ATF7IP2: variants seen among roughly 807,000 people sequenced by gnomAD.
ATF7IP2 encodes the protein activating transcription factor 7-interacting protein 2.
In ATF7IP2, 42 loss-of-function variants were observed where a neutral mutation model predicts 64.2. The observed-to-expected ratio is 0.65, with a 90% CI of 0.51 to 0.85. The LOEUF (loss-of-function observed/expected upper bound fraction) is 0.85, where lower values mean the gene tolerates loss of function less well. Among genes scored for constraint, ATF7IP2 ranks in the 40% least tolerant of loss-of-function variants. ATF7IP2 has a pLI of 0.00. For missense variants in ATF7IP2, 933 were observed against 784.2 expected (o/e 1.19, Z -2.27); for synonymous variants, 308 against 272.8 (o/e 1.13, Z -1.27).
At chr16:10,471,337 G>A (rs1220796004) in intron 9 of ATF7IP2, among the ~76,000 whole-genome samples, 1 of 152,178 alleles carries the variant, frequency 6.6e-6, no homozygotes, top group Non-Finnish European at 1.5e-5. Flanking sequence ...AGACCAGCCT[G>A]ACCAACATGG....
intron 1 of ATF7IP2, among the ~76,000 whole-genome samples, chr16:10,401,148 T>G (rs2047525475): frequency 6.6e-6 from 1 of 152,130 alleles, no homozygotes; most frequent in Admixed American, 6.6e-5. Flanking sequence ...TAAAACCCGC[T>G]TGATTATGGT....
At chr16:10,444,456 A>T (rs2141950819) in intron 8 of ATF7IP2, among the ~76,000 whole-genome samples, 1 of 152,256 alleles carries the variant, frequency 6.6e-6, no homozygotes, top group South Asian at 2.1e-4. Context: ...CCAGATTGAT[A>T]CAGATGCACT....
chr16:10,415,789 G>T (rs375610319), intron 2 of ATF7IP2, among the ~76,000 whole-genome samples: 37 of 152,192 alleles, frequency 2.4e-4, no homozygotes, highest in African/African-American at 8.7e-4. Context: ...TTATACAATG[G>T]TAATACCTGA....
At chr16:10,459,027 A>AAAT (rs35159382) in intron 9 of ATF7IP2, among the ~76,000 whole-genome samples, 80,256 of 150,048 alleles carry the variant, frequency 0.53, 21,467 homozygotes, top group East Asian at 0.69. Flanking sequence ...CTCTACTAAA[A>AAAT]AATAATAATA....
intron 5 of ATF7IP2, among the ~76,000 whole-genome samples, chr16:10,431,753 GT>G (rs1377120437): frequency 1.4e-5 from 2 of 147,856 alleles, no homozygotes; most frequent in Non-Finnish European, 3.0e-5. Flanking sequence ...TTATTTTGAA[GT>G]TTTATTAGAT....
chr16:10,452,858 C>G (rs7196305), intron 8 of ATF7IP2, among the ~76,000 whole-genome samples: 87,856 of 151,986 alleles, frequency 0.58, 25,427 homozygotes, highest in East Asian at 0.69. Flanking sequence ...CCAGTTCAAA[C>G]TTCCCAGTGG....
rs558578447 is a variant in ATF7IP2 at position 10,482,096 on chromosome 16, T to A, written c.1896T>A (p.Ile632=). The A allele has an allele frequency of 1.2e-6, 2 of 1,614,128 alleles. No individual in the cohort carries two copies. The highest frequency in any genetic ancestry group is 1.7e-6 in the Non-Finnish European group (2 of 1,180,002). The change falls in exon 14 of 14, where the codon ATT becomes ATA. Residue 632 remains isoleucine (I), a synonymous_variant. Transcript: ENST00000562102. ...TGATTTGGAAGAAGATTGGAGAAAT[T>A]AAAGCTTTACCACTCCCCATGGCCT... ...NKLIWKKIGE[I]KALPLPMACT...
chr16:10,480,343 T>C (rs1241701338), intron 12 of ATF7IP2, among the ~76,000 whole-genome samples: 1 of 151,920 alleles, frequency 6.6e-6, no homozygotes, highest in Non-Finnish European at 1.5e-5. Context: ...CCATCCACAT[T>C]TTTCGTGTTC....
At chr16:10,431,540 A>C in intron 5 of ATF7IP2, 85 bp downstream of exon 5, 1 of 860,590 alleles carries the variant, frequency 1.2e-6, no homozygotes. Flanking sequence ...TATACAAACC[A>C]GTATAGACAG....
intron 1 of ATF7IP2, among the ~76,000 whole-genome samples, chr16:10,400,423 A>T (rs1341544226): frequency 6.6e-6 from 1 of 152,230 alleles, no homozygotes; most frequent in Non-Finnish European, 1.5e-5. Context: ...TTTTCTATAC[A>T]TAAGATCATA....
intron 8 of ATF7IP2, among the ~76,000 whole-genome samples, chr16:10,443,216 C>G (rs1235432996): frequency 6.6e-6 from 1 of 152,296 alleles, no homozygotes; most frequent in African/African-American, 2.4e-5. Flanking sequence ...GGCTTAAGCT[C>G]ACTGCATCCC....
intron 1 of ATF7IP2, among the ~76,000 whole-genome samples, chr16:10,408,170 A>C (rs1265000432): frequency 5.3e-5 from 8 of 152,130 alleles, no homozygotes; most frequent in African/African-American, 1.7e-4. Flanking sequence ...TTGGCCTCCC[A>C]AAGTGCTGGG....
At chr16:10,465,343 T>C (rs1276763504) in intron 9 of ATF7IP2, among the ~76,000 whole-genome samples, 1 of 152,062 alleles carries the variant, frequency 6.6e-6, no homozygotes, top group Non-Finnish European at 1.5e-5. Flanking sequence ...ATTTTAGACA[T>C]AGAAATGTTT....
chr16:10,395,201 T>A (rs1030395169), intron 1 of ATF7IP2, among the ~76,000 whole-genome samples: 4 of 151,988 alleles, frequency 2.6e-5, no homozygotes, highest in African/African-American at 9.7e-5. Context: ...ATAATTCCAA[T>A]TGTATGGTAC....
chr16:10,457,890 T>G (rs2049236296), intron 9 of ATF7IP2, among the ~76,000 whole-genome samples: 1 of 152,198 alleles, frequency 6.6e-6, no homozygotes, highest in Non-Finnish European at 1.5e-5. Context: ...TTTTATATTT[T>G]TTGTAGAGGC....
At chr16:10,432,724 T>C (rs548750789) in intron 5 of ATF7IP2, among the ~76,000 whole-genome samples, 1 of 152,124 alleles carries the variant, frequency 6.6e-6, no homozygotes, top group Admixed American at 6.6e-5. Flanking sequence ...CAAAAAAAAT[T>C]AGCCAGGCGT....
intron 1 of ATF7IP2, among the ~76,000 whole-genome samples, chr16:10,400,339 C>A (rs2047503283): frequency 6.6e-6 from 1 of 152,118 alleles, no homozygotes; most frequent in African/African-American, 2.4e-5. Flanking sequence ...CCGTGCCCAG[C>A]CGTGTGTTGA....
chr16:10,407,408 G>A (rs1192403752), intron 1 of ATF7IP2, among the ~76,000 whole-genome samples: 2 of 152,046 alleles, frequency 1.3e-5, no homozygotes, highest in Non-Finnish European at 2.9e-5. Context: ...AGAAATAAGG[G>A]GCATGCAAAT....
At chr16:10,413,157 A>C (rs1168782302) in intron 1 of ATF7IP2, among the ~76,000 whole-genome samples, 1 of 152,100 alleles carries the variant, frequency 6.6e-6, no homozygotes, top group Non-Finnish European at 1.5e-5. Flanking sequence ...GGCCATTTAC[A>C]TTTAATGTTA....
Sources: gnomAD v4.1 joint callset for allele counts (sites outside exome capture counted in the v4.1 genomes callset) on GRCh38, gnomAD v4.1.1 for gene constraint, MANE v1.5 for transcripts, NCBI Gene and HGNC (gene_info 2026-07-23, HGNC 2026-07-21) for gene names.